The following XRRA1 variants were observed in gnomAD, a reference collection of about 807,000 sequenced individuals.
XRRA1 encodes the protein X-ray radiation resistance associated 1.
Under a neutral mutation model 80.2 loss-of-function variants are expected in XRRA1, and 69 were observed. The observed-to-expected ratio is 0.86, with a 90% CI of 0.71 to 1.05. The LOEUF (loss-of-function observed/expected upper bound fraction) is 1.05. XRRA1 is among the 50% of genes least tolerant of loss of function. The pLI, the probability that XRRA1 is intolerant of heterozygous loss-of-function variation, is 0.00. For missense variants in XRRA1, 967 were observed against 976.4 expected (o/e 0.99, Z 0.13); for synonymous variants, 348 against 389.9 (o/e 0.89, Z 1.27).
rs777648547 is a variant in XRRA1, at chr11:74,921,215, G to A, written c.655C>T (p.Gln219Ter). Residue 219 changes from glutamine (Q) to a stop codon, truncating the protein, a stop_gained and splice_region_variant, in exon 8 of 19, where the codon CAG becomes TAG. Coordinates refer to ENST00000684022, the MANE Select transcript of XRRA1 (RefSeq NM_001378157.1). LOFTEE classifies it high-confidence loss of function. The part of the protein sequence containing the change: ...SLPPNLAVAE[Q>*]EASVTSLTSK... ...TGGACTCCAGGAGGTAGAACTTACT[G>A]TTCTGCGACGGCCAAATTGGGCGGC... The A allele has an allele frequency of 4.3e-6, 7 of 1,613,768 alleles. No homozygotes were observed. The highest frequency in any genetic ancestry group is 5.9e-6 in the Non-Finnish European group (7 of 1,179,756).
At chr11:74,893,208 A>T (rs1253728262) in intron 10 of XRRA1, among the ~76,000 whole-genome samples, 1 of 152,214 alleles carries the variant, frequency 6.6e-6, no homozygotes, top group African/African-American at 2.4e-5. Flanking sequence ...CATATACACC[A>T]TGGAATACTA....
At chr11:74,867,918 T>TTTTA (rs1491226533) in intron 10 of XRRA1, among the ~76,000 whole-genome samples, 791 of 2,346 alleles carry the variant, frequency 0.34, 11 homozygotes, top group Non-Finnish European at 0.38. Context: ...ATAGTCAATC[T>TTTTA]TTTTTTTTTT....
chr11:74,882,195 G>A (rs961051174), intron 10 of XRRA1, among the ~76,000 whole-genome samples: 22 of 152,078 alleles, frequency 1.4e-4, no homozygotes, highest in African/African-American at 5.3e-4. Flanking sequence ...ATTTCTTGGA[G>A]GCTTTGCTCA....
In XRRA1 at chr11:74,842,829, C is replaced by T. The variant is rs1394925155; in HGVS notation, c.*371G>A. On this transcript the variant is annotated 3_prime_UTR_variant, in exon 19 of 19. Coordinates refer to ENST00000684022, the MANE Select transcript of XRRA1 (RefSeq NM_001378157.1). ...ATTGTTCAGGAATTTGTTAAGATCC[C>T]CTTGGTGTCAGTTTCTCATACAACA... 2.2e-5 allele frequency: 5 copies of T among 223,754 alleles called. No homozygotes were observed. The highest frequency in any genetic ancestry group is 9.1e-5 in the African/African-American group (4 of 44,190). The allele number at this position is 223,754 out of a possible 1,614,324, so 13.9% of individuals were successfully genotyped here.
chr11:74,935,959 T>C (rs1195721094), intron 4 of XRRA1, among the ~76,000 whole-genome samples: 3 of 152,198 alleles, frequency 2.0e-5, no homozygotes, highest in African/African-American at 7.2e-5. Context: ...TCATTCCCAA[T>C]GAGAAGTGGA....
intron 1 of XRRA1, among the ~76,000 whole-genome samples, chr11:74,948,352 G>A (rs1948063371): frequency 7.0e-6 from 1 of 142,960 alleles, no homozygotes; most frequent in South Asian, 2.2e-4. Context: ...AAAATACAAC[G>A]TAATAGAGCA....
chr11:74,845,372 T>A (rs2037806009), intron 15 of XRRA1, 101 bp from the exon 16 acceptor site: 1 of 1,272,022 alleles, frequency 7.9e-7, no homozygotes, highest in South Asian at 1.4e-5. Context: ...CTGGGCCCTG[T>A]TAAGGGCAAG....
intron 10 of XRRA1, among the ~76,000 whole-genome samples, chr11:74,897,611 A>C (rs1422138074): frequency 6.6e-6 from 1 of 151,866 alleles, no homozygotes; most frequent in Admixed American, 6.6e-5. Context: ...AGAGATAAGA[A>C]ACAACATACA....
intron 7 of XRRA1, among the ~76,000 whole-genome samples, chr11:74,922,436 G>A (rs2139017785): frequency 6.6e-6 from 1 of 152,222 alleles, no homozygotes; most frequent in East Asian, 1.9e-4. Flanking sequence ...CAGAGACAAA[G>A]ACAATCAGGA....
At chr11:74,920,036 C>T (rs1046311198) in intron 8 of XRRA1, 1 of 196,536 alleles carries the variant, frequency 5.1e-6, no homozygotes, top group African/African-American at 2.4e-5. Context: ...AAGCCAACAC[C>T]AAGGAAAACA....
chr11:74,888,609 C>T (rs11827618), intron 10 of XRRA1, among the ~76,000 whole-genome samples: 2,976 of 152,258 alleles, frequency 0.02, 70 homozygotes, highest in African/African-American at 0.068. Flanking sequence ...TTCGGACGAT[C>T]GAACTACTCC....
intron 1 of XRRA1, among the ~76,000 whole-genome samples, chr11:74,947,531 C>T (rs1381512163): frequency 6.6e-6 from 1 of 151,826 alleles, no homozygotes; most frequent in Non-Finnish European, 1.5e-5. Context: ...GAGTGAGACT[C>T]TGTCTCAAAA....
At chr11:74,924,718 A>G (rs529501441) in intron 7 of XRRA1, among the ~76,000 whole-genome samples, 1 of 152,220 alleles carries the variant, frequency 6.6e-6, no homozygotes, top group Admixed American at 6.5e-5. Context: ...TCATAGTCCC[A>G]GCTACTTGGG....
At chr11:74,936,019 A>G (rs1782691454) in intron 4 of XRRA1, among the ~76,000 whole-genome samples, 1 of 152,282 alleles carries the variant, frequency 6.6e-6, no homozygotes, top group Non-Finnish European at 1.5e-5. Context: ...TATACTACCC[A>G]CTTGAGGTGA....
At chr11:74,888,153 C>T (rs1431338759) in intron 10 of XRRA1, among the ~76,000 whole-genome samples, 1 of 152,188 alleles carries the variant, frequency 6.6e-6, no homozygotes, top group African/African-American at 2.4e-5. Flanking sequence ...CCCGAGTAGC[C>T]TAACTGGGAG....
At chr11:74,853,414 C>T (rs1269019457) in intron 12 of XRRA1, among the ~76,000 whole-genome samples, 1 of 152,210 alleles carries the variant, frequency 6.6e-6, no homozygotes, top group Non-Finnish European at 1.5e-5. Flanking sequence ...CAGTTCCAGC[C>T]AACGCAACTT....
At chr11:74,872,893 C>T (rs538317750) in intron 10 of XRRA1, among the ~76,000 whole-genome samples, 1 of 152,198 alleles carries the variant, frequency 6.6e-6, no homozygotes, top group Non-Finnish European at 1.5e-5. Context: ...ATGGGCATCT[C>T]AGGTAAAGTT....
intron 15 of XRRA1, among the ~76,000 whole-genome samples, chr11:74,845,665 A>G (rs551132098): frequency 1.3e-5 from 2 of 152,362 alleles, no homozygotes; most frequent in African/African-American, 4.8e-5. Flanking sequence ...AGAAACATCA[A>G]GGTGCATTTT....
intron 14 of XRRA1, among the ~76,000 whole-genome samples, chr11:74,850,034 A>G (rs1183146597): frequency 1.3e-5 from 2 of 152,236 alleles, no homozygotes; most frequent in Non-Finnish European, 2.9e-5. Context: ...GTTTGCCTAC[A>G]TTAACAAAGC....
Sources: allele counts gnomAD v4.1 joint callset (sites outside exome capture counted in the v4.1 genomes callset), GRCh38; gene constraint gnomAD v4.1.1; transcripts MANE v1.5; gene names NCBI Gene and HGNC (gene_info 2026-07-23, HGNC 2026-07-21).